DYSF: variants seen among roughly 807,000 people sequenced by gnomAD.
DYSF encodes dystrophy-associated fer-1-like 1.
DYSF carries 212 observed loss-of-function variants against 274.9 expected under a neutral mutation model. The observed-to-expected ratio is 0.77, with a 90% CI of 0.69 to 0.86. The LOEUF (loss-of-function observed/expected upper bound fraction) is 0.86, where lower values mean the gene tolerates loss of function less well. Among genes scored for constraint, DYSF ranks in the 40% least tolerant of loss-of-function variants. DYSF has a pLI of 0.00. For missense variants in DYSF, 2,666 were observed against 2,783.2 expected (o/e 0.96, Z 0.95); for synonymous variants, 1,091 against 1,078.7 (o/e 1.01, Z -0.22).
intron 45 of DYSF, among the ~76,000 whole-genome samples, chr2:71,662,536 CTGTG>C (rs61700097): frequency 0.02 from 2,978 of 148,024 alleles, 97 homozygotes; most frequent in African/African-American, 0.07. Flanking sequence ...GTTCGTGTGT[CTGTG>C]TGGTGTGTGT....
intron 1 of DYSF, among the ~76,000 whole-genome samples, chr2:71,475,218 C>T (rs1184762771): frequency 2.6e-5 from 4 of 152,206 alleles, no homozygotes; most frequent in Non-Finnish European, 5.9e-5. Flanking sequence ...CGCTGACAAA[C>T]AGCCACACCA....
At chr2:71,462,796 C>G (rs1314308888), upstream of DYSF, among the ~76,000 whole-genome samples, 2 of 152,230 alleles carry the variant, frequency 1.3e-5, no homozygotes, top group Non-Finnish European at 2.9e-5. Context: ...GAGACCTGAC[C>G]TGGAGTGGGT....
intron 14 of DYSF, among the ~76,000 whole-genome samples, chr2:71,529,513 A>C (rs945388017): frequency 3.3e-5 from 5 of 152,264 alleles, no homozygotes; most frequent in African/African-American, 4.8e-5. Context: ...GCAAGAACTC[A>C]GAGTAGTTGA....
intron 1 of DYSF, among the ~76,000 whole-genome samples, chr2:71,479,131 A>C (rs1230075755): frequency 2.1e-5 from 3 of 144,192 alleles, no homozygotes; most frequent in African/African-American, 7.9e-5. Flanking sequence ...AGTCTTGCAC[A>C]GGTTGGGTGG....
At chr2:71,616,605 G>A (rs1256956292) in intron 40 of DYSF, among the ~76,000 whole-genome samples, 2 of 152,256 alleles carry the variant, frequency 1.3e-5, no homozygotes, top group Admixed American at 1.3e-4. Context: ...CTGAGGGCAG[G>A]CCTGGGTGTG....
At chr2:71,569,795 G>C (rs2152813849) in intron 26 of DYSF, 25 bp from the exon 27 acceptor site, 1 of 1,601,796 alleles carries the variant, frequency 6.2e-7, no homozygotes, top group South Asian at 1.1e-5. Flanking sequence ...GAGCAGCAGA[G>C]ACTCTGACCA....
At chr2:71,605,374 A>G (rs11899995) in intron 36 of DYSF, among the ~76,000 whole-genome samples, 136,464 of 152,304 alleles carry the variant, frequency 0.9, 61,295 homozygotes, top group Admixed American at 0.94. Context: ...ACGTGTGAGC[A>G]TGTGCGAGTG....
chr2:71,481,877 A>T lies in DYSF; in HGVS notation c.148-2A>T. 1 of 1,613,696 alleles carries T rather than the reference A, an allele frequency of 6.2e-7. No individual in the cohort carries two copies. Among genetic ancestry groups the T allele is most frequent in the Non-Finnish European group, 8.5e-7 (1 of 1,179,702 alleles). On this transcript the variant is annotated splice_acceptor_variant, in intron 2 of 55. Transcript: ENST00000410020. LOFTEE classifies it high-confidence loss of function. ...AAGATGCCTTTTCTCTTTTTCTTCC[A>T]GGGATTTGAATGGGACCTCAAGGGC...
intron 38 of DYSF, 120 bp from the exon 39 acceptor site, chr2:71,612,520 AT>A: frequency 1.3e-6 from 2 of 1,481,744 alleles, no homozygotes; most frequent in Non-Finnish European, 1.9e-6. Context: ...GCCAGCCACC[AT>A]TTTGGATTTC....
intron 30 of DYSF, among the ~76,000 whole-genome samples, chr2:71,574,740 G>A (rs191207818): frequency 2.0e-5 from 3 of 152,298 alleles, no homozygotes; most frequent in Non-Finnish European, 2.9e-5. Context: ...TGGCCCCAGA[G>A]TGTCCTTGGT....
intron 12 of DYSF, among the ~76,000 whole-genome samples, chr2:71,521,172 C>T (rs2087229659): frequency 6.6e-6 from 1 of 152,112 alleles, no homozygotes; most frequent in African/African-American, 2.4e-5. Flanking sequence ...AGGATATATG[C>T]ACATATTTTC....
intron 13 of DYSF, among the ~76,000 whole-genome samples, chr2:71,527,454 T>A (rs183304433): frequency 6.6e-6 from 1 of 152,206 alleles, no homozygotes; most frequent in Non-Finnish European, 1.5e-5. Context: ...CTAAAACACA[T>A]GCTTAAAAAT....
In DYSF at chr2:71,643,921, C is replaced by G. The variant is rs190476458; in HGVS notation, c.4528-44C>G. On this transcript the variant is annotated intron_variant, in intron 41 of 55. Transcript: ENST00000410020. ...TCCAACTCTGAAGAATGCTGCTTGG[C>G]GAGTCCTGTTTCTGAAATGGTCTCT... 4.1e-6 allele frequency: 6 copies of G among 1,479,246 alleles called. No homozygotes were observed. The East Asian group carries it at 1.4e-4, about 34-fold the overall frequency. The allele number at this position is 1,479,246 out of a possible 1,614,324, so 91.6% of individuals were successfully genotyped here.
chr2:71,583,060 A>AG, intron 30 of DYSF, among the ~76,000 whole-genome samples: 1 of 151,692 alleles, frequency 6.6e-6, no homozygotes, highest in African/African-American at 2.4e-5. Context: ...AAAAAAAAAA[A>AG]AAAAAAAAAG....
chr2:71,613,571 G>T (rs1197286842), intron 40 of DYSF, among the ~76,000 whole-genome samples, 161 bp downstream of exon 40: 1 of 152,276 alleles, frequency 6.6e-6, no homozygotes, highest in South Asian at 2.1e-4. Context: ...ACCCAGATGG[G>T]AGCTTTCAGT....
At chr2:71,666,803 C>G (rs1298230194) in intron 47 of DYSF, among the ~76,000 whole-genome samples, 1 of 152,206 alleles carries the variant, frequency 6.6e-6, no homozygotes, top group South Asian at 2.1e-4. Context: ...TCAGATTTCT[C>G]TTCTATAAAA....
intron 42 of DYSF, among the ~76,000 whole-genome samples, chr2:71,644,481 C>T (rs748390005): frequency 6.6e-6 from 1 of 152,152 alleles, no homozygotes; most frequent in Non-Finnish European, 1.5e-5. Flanking sequence ...TATCCCATGT[C>T]TTTCAGTGTT....
At chr2:71,633,884 A>G (rs2094353869) in intron 41 of DYSF, among the ~76,000 whole-genome samples, 1 of 152,164 alleles carries the variant, frequency 6.6e-6, no homozygotes, top group Non-Finnish European at 1.5e-5. Context: ...GAAAGGAATT[A>G]TTATTGCCAG....
At chr2:71,609,797 G>A (rs557333254) in intron 36 of DYSF, among the ~76,000 whole-genome samples, 1 of 152,310 alleles carries the variant, frequency 6.6e-6, no homozygotes, top group Non-Finnish European at 1.5e-5. Flanking sequence ...ATTCATGGAG[G>A]TGGGGGGAAG....
Sources: allele counts gnomAD v4.1 joint callset (sites outside exome capture counted in the v4.1 genomes callset), GRCh38; gene constraint gnomAD v4.1.1; transcripts MANE v1.5; gene names NCBI Gene and HGNC (gene_info 2026-07-23, HGNC 2026-07-21).